DNAJC25: variants seen among roughly 807,000 people sequenced by gnomAD.
DNAJC25 encodes the protein DnaJ heat shock protein family (Hsp40) member C25, also known as dnaJ homolog subfamily C member 25.
Under a neutral mutation model 42.1 loss-of-function variants are expected in DNAJC25, and 26 were observed. That is an observed-to-expected ratio of 0.62 (90% CI 0.45 to 0.86). The LOEUF is 0.86. DNAJC25 is among the 40% of genes least tolerant of loss of function. DNAJC25 has a pLI of 0.00. For missense variants in DNAJC25, 404 were observed against 459.4 expected, an observed-to-expected ratio of 0.88 and a Z score of 1.10; for synonymous variants, 189 against 179.9, an observed-to-expected ratio of 1.05 and a Z score of -0.40.
intron 2 of DNAJC25, among the ~76,000 whole-genome samples, chr9:111,648,912 G>A (rs1294059259): frequency 6.6e-6 from 1 of 152,138 alleles, no homozygotes; most frequent in African/African-American, 2.4e-5. Context: ...AATAGGTAGA[G>A]TTCAACCATA....
At chr9:111,652,470 A>G (rs113434697) in intron 3 of DNAJC25, among the ~76,000 whole-genome samples, 40,650 of 142,286 alleles carry the variant, frequency 0.29, 6,299 homozygotes, top group East Asian at 0.42. Flanking sequence ...AGCTGAGATC[A>G]CACCACTGCA....
intron 1 of DNAJC25, among the ~76,000 whole-genome samples, chr9:111,638,517 T>G (rs1686800771): frequency 6.6e-6 from 1 of 152,222 alleles, no homozygotes; most frequent in African/African-American, 2.4e-5. Context: ...CTAGTAATTT[T>G]TTTTCTTCCT....
chr9:111,642,606 T>TAAAAAAAA (rs1174062597), intron 1 of DNAJC25, among the ~76,000 whole-genome samples: 43 of 27,972 alleles, frequency 1.5e-3, no homozygotes, highest in Middle Eastern at 0.013. Flanking sequence ...GAATTATCAA[T>TAAAAAAAA]AAATAAATAA....
chr9:111,650,081 G>A (rs1197100901), intron 3 of DNAJC25, among the ~76,000 whole-genome samples, 158 bp downstream of exon 3: 1 of 152,172 alleles, frequency 6.6e-6, no homozygotes, highest in African/African-American at 2.4e-5. Flanking sequence ...ACTCTATTTG[G>A]TAGTGAGACG....
chr9:111,642,752 C>A, intron 1 of DNAJC25: 1 of 401,586 alleles, frequency 2.5e-6, no homozygotes, highest in Non-Finnish European at 5.3e-6. Context: ...ATTTTTGCCT[C>A]TGGGGAGGGG....
In DNAJC25 at chr9:111,641,018, C is replaced by A. The variant is rs865853872; in HGVS notation, c.337-6089C>A. ...GGGAGGTGGGGGGGTCAGCCCCGCG[C>A]CCGGCCAGCCGCCCCGTCCGGGAGG... On this transcript the variant is annotated intron_variant, in intron 1 of 3. Coordinates refer to ENST00000313525, the MANE Select transcript of DNAJC25 (RefSeq NM_001015882.3). Among the ~76,000 whole-genome samples the A allele has an allele frequency of 6.3e-4, 65 of 103,230 alleles. 7 individuals are homozygous for A. Among genetic ancestry groups the A allele is most frequent in the Non-Finnish European group, 1.1e-3 (59 of 53,960 alleles). 67.7% of individuals were successfully genotyped at this position (103,230 alleles called of 152,430 possible).
At chr9:111,636,327 T>G (rs932457426) in intron 1 of DNAJC25, among the ~76,000 whole-genome samples, 5 of 152,200 alleles carry the variant, frequency 3.3e-5, no homozygotes, top group Admixed American at 1.3e-4. Flanking sequence ...ATGAGCATTT[T>G]CTCCACCAAG....
Position 111,631,409 on chromosome 9 carries a change from TG to T in DNAJC25, c.7del (p.Ala3?). 2 of 1,277,662 alleles carry T rather than the reference TG, an allele frequency of 1.6e-6. No homozygotes were observed. The highest frequency in any genetic ancestry group is 2.0e-6 in the Non-Finnish European group (2 of 1,016,236). The allele number at this position is 1,277,662 out of a possible 1,614,324, so 79.1% of individuals were successfully genotyped here. A position where few individuals can be genotyped will look rare whatever the true frequency, so the allele number is the denominator to read the frequency against. Reference sequence around the variant, plus strand: ...GCAGAGCCGCCAGCGAGGCTGGGGATGGGGGCGCCGCTGCTCTCTCCCGGCT... The same window carrying T: ...GCAGAGCCGCCAGCGAGGCTGGGGATGGGGCGCCGCTGCTCTCTCCCGGCT... MGAPLLSPGWG... is the reference protein window; with the variant it reads XGAPLLSPGWG... On this transcript the variant is annotated frameshift_variant and start_lost, in exon 1 of 4. Coordinates refer to ENST00000313525, the MANE Select transcript of DNAJC25 (RefSeq NM_001015882.3). LOFTEE classifies it high-confidence loss of function.
intron 3 of DNAJC25, among the ~76,000 whole-genome samples, chr9:111,652,264 CT>C (rs992364131): frequency 9.9e-5 from 15 of 151,928 alleles, no homozygotes; most frequent in Non-Finnish European, 1.9e-4. Flanking sequence ...AATCCCAACA[CT>C]TTGGGAGGCC....
At chr9:111,640,017 G>A (rs1353321896) in intron 1 of DNAJC25, among the ~76,000 whole-genome samples, 1 of 150,638 alleles carries the variant, frequency 6.6e-6, no homozygotes, top group Non-Finnish European at 1.5e-5. Flanking sequence ...CTGCCATCTC[G>A]GCTCACTGCA....
chr9:111,649,017 A>G (rs971801658), intron 2 of DNAJC25, among the ~76,000 whole-genome samples: 3 of 152,206 alleles, frequency 2.0e-5, no homozygotes, highest in Non-Finnish European at 2.9e-5. Context: ...GCCTGAGTCT[A>G]TACACTATGA....
rs1348841478 is a variant in DNAJC25 at position 111,653,454 on chromosome 9, C to T, written c.*232C>T. 8 of 396,022 alleles carry T rather than the reference C, an allele frequency of 2.0e-5. No homozygotes were observed. Among genetic ancestry groups the T allele is most frequent in the Non-Finnish European group, 3.2e-5 (8 of 249,730 alleles). 24.5% of individuals were successfully genotyped at this position (396,022 alleles called of 1,614,324 possible). ...TTGTGGATTTTGTTAAAAGATTTCA[C>T]ATGAAGATTTATTAGTTGCCATTTA... On this transcript the variant is annotated 3_prime_UTR_variant, in exon 4 of 4. Transcript: ENST00000313525.
At chr9:111,644,544 A>G (rs1182880507) in intron 1 of DNAJC25, among the ~76,000 whole-genome samples, 1 of 152,212 alleles carries the variant, frequency 6.6e-6, no homozygotes, top group Non-Finnish European at 1.5e-5. Flanking sequence ...CCAGATTTCA[A>G]CGACACTCCA....
chr9:111,647,199 C>T lies in DNAJC25; in HGVS notation c.429C>T (p.Ala143=). Residue 143 remains alanine, a synonymous_variant, in exon 2 of 4, where the codon GCC becomes GCT. Transcript: ENST00000313525. ...HYYHYYSRRL[A]PKVDVRVVIL... ...ACCACTACTATAGCAGGCGCTTGGC[C>T]CCTAAGGTGGATGTTAGAGTAGTGA... The T allele has an allele frequency of 6.2e-7, 1 of 1,614,114 alleles. No homozygotes were observed.
At chr9:111,633,424 T>A (rs116591312) in intron 1 of DNAJC25, among the ~76,000 whole-genome samples, 3,524 of 152,300 alleles carry the variant, frequency 0.023, 150 homozygotes, top group African/African-American at 0.08. Context: ...CCATTATGAT[T>A]TCACACACTG....
At chr9:111,642,851 T>C in intron 1 of DNAJC25, 1 of 471,080 alleles carries the variant, frequency 2.1e-6, no homozygotes, top group South Asian at 1.5e-5. Context: ...ATTGGTTATG[T>C]TCCAGTCCTC....
At chr9:111,643,084 C>T (rs1010047802) in intron 1 of DNAJC25, 9 of 321,362 alleles carry the variant, frequency 2.8e-5, no homozygotes, top group Non-Finnish European at 5.8e-5. Context: ...AAAGTACTAC[C>T]TTATTGAAAG....
At chr9:111,632,001 T>TA (rs1830290478) in intron 1 of DNAJC25, among the ~76,000 whole-genome samples, 1 of 152,268 alleles carries the variant, frequency 6.6e-6, no homozygotes, top group African/African-American at 2.4e-5. Context: ...TTGGCCATCT[T>TA]ACGATTTCGT....
At position 111,631,749 on chromosome 9, in the gene DNAJC25, G is replaced by A. The variant is rs1295552043; in HGVS notation, c.336+6G>A. 2 of 1,508,772 alleles carry A rather than the reference G, an allele frequency of 1.3e-6. No individual in the cohort carries two copies. The highest frequency in any genetic ancestry group is 2.1e-5 in the Admixed American group (1 of 48,018). 93.5% of individuals were successfully genotyped at this position (1,508,772 alleles called of 1,614,324 possible). A position where few individuals can be genotyped will look rare whatever the true frequency, so the allele number is the denominator to read the frequency against. On this transcript the variant is annotated splice_donor_region_variant and intron_variant, in intron 1 of 3. Coordinates refer to ENST00000313525, the MANE Select transcript of DNAJC25 (RefSeq NM_001015882.3). ...CCGCCTACGAGACACTCAAGGTGAG[G>A]CCTGCGGGCGTGGAGGGGCTTCGAA... is the stretch of plus-strand genomic sequence containing the variant.
Sources: allele counts gnomAD v4.1 joint callset (sites outside exome capture counted in the v4.1 genomes callset), GRCh38; gene constraint gnomAD v4.1.1; transcripts MANE v1.5; gene names NCBI Gene and HGNC (gene_info 2026-07-23, HGNC 2026-07-21).